POSTN: variants seen among roughly 807,000 people sequenced by gnomAD.
POSTN encodes the protein osteoblast specific factor 2 (fasciclin I-like).
In POSTN, 71 loss-of-function variants were observed where a neutral mutation model predicts 104.5. The observed-to-expected ratio is 0.68, with a 90% CI of 0.56 to 0.83. POSTN has a LOEUF of 0.83. Among genes scored for constraint, POSTN ranks in the 40% least tolerant of loss-of-function variants. The pLI is 0.00. For missense variants in POSTN, 949 were observed against 1,006.8 expected (o/e 0.94, Z 0.78); for synonymous variants, 355 against 340.7 (o/e 1.04, Z -0.46).
chr13:37,584,208 T>G (rs972034419), intron 8 of POSTN, 105 bp from the exon 9 acceptor site: 1 of 1,383,914 alleles, frequency 7.2e-7, no homozygotes, highest in African/African-American at 1.4e-5. Context: ...TGTAAGCTAT[T>G]TACTGCAATG....
chr13:37,574,233 A>T (rs1005550525), intron 17 of POSTN, among the ~76,000 whole-genome samples: 6 of 151,770 alleles, frequency 4.0e-5, no homozygotes, highest in Admixed American at 3.3e-4. Context: ...AAACAAAGCA[A>T]CATAAAGAGT....
chr13:37,566,512 A>T (rs536281426), intron 21 of POSTN, among the ~76,000 whole-genome samples: 2 of 152,248 alleles, frequency 1.3e-5, no homozygotes, highest in African/African-American at 2.4e-5. Context: ...ACTTATTTAG[A>T]CTGTAGGTAT....
At chr13:37,584,574 C>G in intron 8 of POSTN, 142 bp downstream of exon 8, 1 of 691,144 alleles carries the variant, frequency 1.4e-6, no homozygotes, top group East Asian at 2.7e-5. Context: ...GCTCAAGTAG[C>G]TCACTATTTA....
intron 5 of POSTN, 57 bp downstream of exon 5, chr13:37,587,765 T>G: frequency 2.3e-6 from 3 of 1,293,226 alleles, no homozygotes. Context: ...ATAAAAAGTA[T>G]AGACAAAATT....
intron 21 of POSTN, 55 bp from the exon 22 acceptor site, chr13:37,564,615 C>T: frequency 9.8e-7 from 1 of 1,018,308 alleles, no homozygotes; most frequent in Non-Finnish European, 1.6e-6. Context: ...TAAAATCAGA[C>T]AGGAGACCAT....
chr13:37,593,036 AT>A (rs1950988174), intron 2 of POSTN, among the ~76,000 whole-genome samples: 1 of 151,172 alleles, frequency 6.6e-6, no homozygotes, highest in African/African-American at 2.4e-5. Context: ...AAATCTTTTT[AT>A]TTTTGTAAAA....
At chr13:37,597,700 C>A (rs1593377268) in intron 1 of POSTN, among the ~76,000 whole-genome samples, 1 of 152,066 alleles carries the variant, frequency 6.6e-6, no homozygotes, top group African/African-American at 2.4e-5. Context: ...GGTCAGAGAG[C>A]AAAAGAGACA....
chr13:37,597,043 T>C lies in POSTN; in HGVS notation c.218+141A>G. 3 of 525,316 alleles carry C rather than the reference T, an allele frequency of 5.7e-6. No individual in the cohort carries two copies. The South Asian group carries it at 9.2e-5, about 16-fold the overall frequency. The allele number at this position is 525,316 out of a possible 1,614,324, so 32.5% of individuals were successfully genotyped here. A position where few individuals can be genotyped will look rare whatever the true frequency, so the allele number is the denominator to read the frequency against. On this transcript the variant is annotated intron_variant, in intron 2 of 22. Transcript: ENST00000379747. ...GGGAGAACTTCTTTATTCACGTATG[T>C]ATTCCTTTCTTTTCTTTAAATAACT... is the stretch of plus-strand genomic sequence containing the variant.
intron 21 of POSTN, chr13:37,565,496 G>A (rs1208433042): frequency 8.6e-5 from 13 of 151,514 alleles, no homozygotes; most frequent in African/African-American, 1.9e-4. Context: ...TTTTCAATTC[G>A]CTGAAATCAT....
Position 37,570,682 on chromosome 13 carries a change from G to T in POSTN, c.2180-13C>A. 2.0e-6 allele frequency: 3 copies of T among 1,498,834 alleles called. No homozygotes were observed. Among genetic ancestry groups the T allele is most frequent in the Non-Finnish European group, 2.8e-6 (3 of 1,076,042 alleles). The allele number at this position is 1,498,834 out of a possible 1,614,324, so 92.8% of individuals were successfully genotyped here. A position where few individuals can be genotyped will look rare whatever the true frequency, so the allele number is the denominator to read the frequency against. ...TTAATAATTGGCTCTAAAAGCAGGG[G>T]AATACAAATGCATTTGATTTACCCT... On this transcript the variant is annotated splice_polypyrimidine_tract_variant and intron_variant, in intron 18 of 22. Transcript: ENST00000379747.
At chr13:37,564,420 A>G (rs1260558138) in intron 22 of POSTN, 99 bp downstream of exon 22, 1 of 696,392 alleles carries the variant, frequency 1.4e-6, no homozygotes, top group East Asian at 2.8e-5. Flanking sequence ...ATCGATAACA[A>G]GTTTCAATAA....
At chr13:37,584,677 A>G (rs2138310118) in intron 8 of POSTN, 39 bp downstream of exon 8, 1 of 1,510,586 alleles carries the variant, frequency 6.6e-7, no homozygotes, top group South Asian at 1.2e-5. Flanking sequence ...AATTACAGTA[A>G]GTAAAAAAAC....
Position 37,562,997 on chromosome 13 carries a change from A to C in POSTN, c.*336T>G. The C allele has an allele frequency of 5.6e-6, 1 of 178,146 alleles. No individual in the cohort carries two copies. Among genetic ancestry groups the C allele is most frequent in the Non-Finnish European group, 1.2e-5 (1 of 85,076 alleles). 11.0% of individuals were successfully genotyped at this position (178,146 alleles called of 1,614,324 possible). A position where few individuals can be genotyped will look rare whatever the true frequency, so the allele number is the denominator to read the frequency against. On this transcript the variant is annotated 3_prime_UTR_variant, in exon 23 of 23. Coordinates refer to ENST00000379747, the MANE Select transcript of POSTN (RefSeq NM_006475.3). Reference sequence around the variant, plus strand: ...GGCTCGGTCTTTTCAATGGGATAACAGTTCACAACTCTTCGATTTGAATTG... The same window carrying C: ...GGCTCGGTCTTTTCAATGGGATAACCGTTCACAACTCTTCGATTTGAATTG...
Position 37,579,959 on chromosome 13 carries a change from A to C in POSTN, c.1562T>G (p.Leu521Trp). The C allele has an allele frequency of 6.2e-7, 1 of 1,613,598 alleles. No homozygotes were observed. Among genetic ancestry groups the C allele is most frequent in the Non-Finnish European group, 8.5e-7 (1 of 1,179,546 alleles). The change falls in exon 12 of 23, where the codon TTG becomes TGG. Residue 521 changes from leucine (L) to tryptophan (W), a missense_variant. Physicochemically the swap from Leu to Trp is moderately conservative, Grantham distance 61. Coordinates refer to ENST00000379747, the MANE Select transcript of POSTN (RefSeq NM_006475.3). ...TCCAGGTTGTGTCAGGAGCTCTTTC[A>C]AGTCTGCAGCTTCAAGTAGGCTGAG... ...TFLSLLEAAD[L>W]KELLTQPGDW...
At chr13:37,576,725 TC>T (rs1263187431) in intron 16 of POSTN, among the ~76,000 whole-genome samples, 6 of 152,244 alleles carry the variant, frequency 3.9e-5, no homozygotes, top group Admixed American at 2.0e-4. Context: ...AAGATTGTAT[TC>T]CCATGGTGAA....
chr13:37,569,425 C>T, intron 20 of POSTN, 42 bp from the exon 21 acceptor site: 1 of 1,439,680 alleles, frequency 6.9e-7, no homozygotes, highest in Non-Finnish European at 9.8e-7. Context: ...GTTTATATAA[C>T]AAAATAAAGA....
chr13:37,565,061 C>G (rs1950051881), intron 21 of POSTN: 1 of 152,306 alleles, frequency 6.6e-6, no homozygotes, highest in Non-Finnish European at 1.5e-5. Context: ...CAAAGTAGCA[C>G]TGACCTAATG....
rs1950496523 is a variant in POSTN, at chr13:37,578,872, TTAAG to T, written c.1930_1933del (p.Leu644IlefsTer3). 1 of 1,589,882 alleles carries T rather than the reference TTAAG, an allele frequency of 6.3e-7. No individual in the cohort carries two copies. Among genetic ancestry groups the T allele is most frequent in the Non-Finnish European group, 8.5e-7 (1 of 1,173,472 alleles). On this transcript the variant is annotated frameshift_variant, in exon 15 of 23. Coordinates refer to ENST00000379747, the MANE Select transcript of POSTN (RefSeq NM_006475.3). LOFTEE classifies it high-confidence loss of function. ...AATTTGGATGTATTTGATTAATTTA[TTAAG>T]TATTTCCAGCAGTTGATCATTTCCA...
chr13:37,583,470 C>T (rs574950831), intron 9 of POSTN, among the ~76,000 whole-genome samples: 23 of 124,486 alleles, frequency 1.8e-4, no homozygotes, highest in South Asian at 2.9e-4. Flanking sequence ...GAGACGGAGT[C>T]TCACTCTGTC....
Sources: allele counts gnomAD v4.1 joint callset (sites outside exome capture counted in the v4.1 genomes callset), GRCh38; gene constraint gnomAD v4.1.1; transcripts MANE v1.5; gene names NCBI Gene and HGNC (gene_info 2026-07-23, HGNC 2026-07-21).